RIT2: variants seen among roughly 807,000 people sequenced by gnomAD.
RIT2 encodes GTP-binding protein Rit2.
Under a neutral mutation model 23.7 loss-of-function variants are expected in RIT2, and 24 were observed. The ratio of observed to expected loss-of-function variants is 1.01; its 90% CI spans 0.73 to 1.43. The LOEUF is 1.43. RIT2 is among the 40% of genes most tolerant of loss of function. The pLI, the probability that RIT2 is intolerant of heterozygous loss-of-function variation, is 0.00. For missense variants in RIT2, 236 were observed against 266.9 expected, an observed-to-expected ratio of 0.88 and a Z score of 0.81; for synonymous variants, 107 against 91.1, an observed-to-expected ratio of 1.17 and a Z score of -0.99.
intron 4 of RIT2, among the ~76,000 whole-genome samples, chr18:42,771,082 T>C (rs1913541139): frequency 6.6e-6 from 1 of 152,224 alleles, no homozygotes; most frequent in Admixed American, 6.5e-5. Context: ...TCTCCCACTT[T>C]GCCTCTTTAC....
chr18:42,850,209 T>C (rs1240493488), intron 4 of RIT2, among the ~76,000 whole-genome samples: 1 of 152,048 alleles, frequency 6.6e-6, no homozygotes, highest in Non-Finnish European at 1.5e-5. Context: ...GATAATTCTT[T>C]GGAATGCTCC....
intron 2 of RIT2, among the ~76,000 whole-genome samples, chr18:43,026,025 T>A (rs2144272995): frequency 6.6e-6 from 1 of 152,170 alleles, no homozygotes; most frequent in South Asian, 2.1e-4. Context: ...GAAAATAAGC[T>A]GCAAAGTGAG....
At chr18:43,030,594 T>G (rs2144279988) in intron 2 of RIT2, among the ~76,000 whole-genome samples, 1 of 152,220 alleles carries the variant, frequency 6.6e-6, no homozygotes, top group East Asian at 1.9e-4. Context: ...AGATTTTTTT[T>G]GGTTCTGTGT....
At chr18:42,986,549 G>A (rs991722352) in intron 2 of RIT2, among the ~76,000 whole-genome samples, 3 of 149,954 alleles carry the variant, frequency 2.0e-5, no homozygotes, top group East Asian at 4.0e-4. Flanking sequence ...TCACCCAGGC[G>A]GGAGTGCAGT....
intron 2 of RIT2, among the ~76,000 whole-genome samples, chr18:43,006,491 CAT>C (rs1170778612): frequency 1.3e-5 from 2 of 151,190 alleles, no homozygotes; most frequent in African/African-American, 4.9e-5. Flanking sequence ...TATTAAATAA[CAT>C]AAATCAGAAT....
intron 3 of RIT2, among the ~76,000 whole-genome samples, chr18:42,937,725 A>G (rs553466669): frequency 6.6e-6 from 1 of 152,316 alleles, no homozygotes; most frequent in East Asian, 1.9e-4. Flanking sequence ...TAAGACAGGG[A>G]TGGAATATTT....
At chr18:43,100,423 T>A (rs1598784282) in intron 1 of RIT2, among the ~76,000 whole-genome samples, 1 of 152,100 alleles carries the variant, frequency 6.6e-6, no homozygotes, top group African/African-American at 2.4e-5. Context: ...ACATTGGCTG[T>A]TAAAAGTGCT....
chr18:42,744,428 A>C (rs1912871468), intron 4 of RIT2, among the ~76,000 whole-genome samples: 1 of 152,240 alleles, frequency 6.6e-6, no homozygotes, highest in African/African-American at 2.4e-5. Flanking sequence ...TGACTGATTA[A>C]AAAATTGAAC....
chr18:43,042,741 A>G (rs1912157573), intron 1 of RIT2, among the ~76,000 whole-genome samples: 1 of 152,228 alleles, frequency 6.6e-6, no homozygotes, highest in Non-Finnish European at 1.5e-5. Flanking sequence ...CTAAAGGTTT[A>G]CATTTGAGAA....
chr18:42,765,029 C>T (rs1317835867), intron 4 of RIT2, among the ~76,000 whole-genome samples: 1 of 152,098 alleles, frequency 6.6e-6, no homozygotes, highest in African/African-American at 2.4e-5. Flanking sequence ...TTTCTCTGAG[C>T]CTATATTTTC....
chr18:43,013,656 T>C (rs1457154743), intron 2 of RIT2, among the ~76,000 whole-genome samples: 2 of 151,806 alleles, frequency 1.3e-5, no homozygotes, highest in Non-Finnish European at 1.5e-5. Context: ...ATATGATTCA[T>C]GCTTTCCTTC....
At chr18:42,993,954 C>T (rs183316056) in intron 2 of RIT2, among the ~76,000 whole-genome samples, 182 of 152,204 alleles carry the variant, frequency 1.2e-3, no homozygotes, top group Admixed American at 8.2e-3. Context: ...ATAAACTCTC[C>T]TTACAATTCC....
intron 4 of RIT2, among the ~76,000 whole-genome samples, chr18:42,880,060 C>T (rs1440720157): frequency 6.6e-6 from 1 of 152,148 alleles, no homozygotes; most frequent in Non-Finnish European, 1.5e-5. Context: ...AGGTCCATTT[C>T]CCTTAAGGGA....
chr18:42,827,734 G>T (rs1478394992), intron 4 of RIT2, among the ~76,000 whole-genome samples: 1 of 152,024 alleles, frequency 6.6e-6, no homozygotes, highest in Non-Finnish European at 1.5e-5. Context: ...GGCCAGGCGT[G>T]GTGGCTCATG....
At chr18:43,094,266 T>C (rs528340291) in intron 1 of RIT2, among the ~76,000 whole-genome samples, 17 of 151,924 alleles carry the variant, frequency 1.1e-4, no homozygotes, top group African/African-American at 3.6e-4. Context: ...AGAAGTAGCA[T>C]TGTAGAAGAT....
chr18:42,788,536 G>T (rs1047544419), intron 4 of RIT2, among the ~76,000 whole-genome samples: 1 of 152,060 alleles, frequency 6.6e-6, no homozygotes, highest in Admixed American at 6.6e-5. Context: ...TGAAATCATG[G>T]TTTACTCTCA....
chr18:42,978,664 A>C (rs778198265), intron 2 of RIT2, among the ~76,000 whole-genome samples: 2 of 152,134 alleles, frequency 1.3e-5, no homozygotes, highest in Non-Finnish European at 2.9e-5. Context: ...GCACACTAGG[A>C]CTGCATTCTT....
chr18:42,982,832 G>T (rs1271369804), intron 2 of RIT2, among the ~76,000 whole-genome samples: 2 of 151,818 alleles, frequency 1.3e-5, no homozygotes, highest in Non-Finnish European at 2.9e-5. Flanking sequence ...ACTAATGAAA[G>T]AAATCAAATA....
intron 3 of RIT2, among the ~76,000 whole-genome samples, chr18:42,953,344 G>C (rs10502805): frequency 0.088 from 13,334 of 152,010 alleles, 711 homozygotes; most frequent in East Asian, 0.19. Context: ...GAAATACCAA[G>C]AATCAATGAT....
Sources: gnomAD v4.1 joint callset for allele counts (sites outside exome capture counted in the v4.1 genomes callset) on GRCh38, gnomAD v4.1.1 for gene constraint, MANE v1.5 for transcripts, NCBI Gene and HGNC (gene_info 2026-07-23, HGNC 2026-07-21) for gene names.